Variants in ARHGEF28 observed in about 807,000 individuals in gnomAD.
The protein encoded by ARHGEF28 is 190 kDa guanine nucleotide exchange factor.
Under a neutral mutation model 206.6 loss-of-function variants are expected in ARHGEF28, and 152 were observed. The ratio of observed to expected loss-of-function variants is 0.74; its 90% CI spans 0.64 to 0.84. The LOEUF is 0.84. Among genes scored for constraint, ARHGEF28 ranks in the 40% least tolerant of loss-of-function variants. The pLI is 0.00. For synonymous variants in ARHGEF28, 763 were observed against 776.4 expected, an observed-to-expected ratio of 0.98 and a Z score of 0.29; for missense variants, 2,028 against 2,073.2, an observed-to-expected ratio of 0.98 and a Z score of 0.42.
intron 1 of ARHGEF28, among the ~76,000 whole-genome samples, chr5:73,678,804 A>G (rs1746872337): frequency 6.6e-6 from 1 of 152,230 alleles, no homozygotes; most frequent in African/African-American, 2.4e-5. Context: ...AGTTAAAAAA[A>G]AAAGGGGGGG....
intron 2 of ARHGEF28, among the ~76,000 whole-genome samples, chr5:73,709,133 A>G (rs1234074617): frequency 6.6e-6 from 1 of 152,150 alleles, no homozygotes; most frequent in Non-Finnish European, 1.5e-5. Context: ...CGTTTGTAAT[A>G]CAGTTAGATT....
rs112974336 is a variant in ARHGEF28, at chr5:73,868,994, G to T, written c.2425+767G>T. Among the ~76,000 whole-genome samples, 989 of 152,142 alleles carry T rather than the reference G, an allele frequency of 6.5e-3. 12 individuals carry two copies. Among genetic ancestry groups the T allele is most frequent in the African/African-American group, 0.023 (944 of 41,512 alleles). On this transcript the variant is annotated intron_variant, in intron 20 of 35. Coordinates refer to ENST00000513042, the MANE Select transcript of ARHGEF28 (RefSeq NM_001177693.2). ...ATTTTATAGAGCAGGACTTAATCTA[G>T]GGAATTAGTTTTTGTATACAAGCAG... is the stretch of plus-strand genomic sequence containing the variant.
intron 35 of ARHGEF28, among the ~76,000 whole-genome samples, chr5:73,914,049 G>A (rs1159061516): frequency 6.6e-6 from 1 of 152,146 alleles, no homozygotes; most frequent in Non-Finnish European, 1.5e-5. Context: ...ATACCACCTA[G>A]ATAGGAATTT....
chr5:73,712,821 T>C (rs944794602), intron 2 of ARHGEF28, among the ~76,000 whole-genome samples: 6 of 152,196 alleles, frequency 3.9e-5, no homozygotes, highest in Non-Finnish European at 7.3e-5. Context: ...GCCCTTCTTT[T>C]AATCTTGTTT....
chr5:73,772,751 C>T (rs756782235), intron 4 of ARHGEF28, among the ~76,000 whole-genome samples: 3 of 152,222 alleles, frequency 2.0e-5, no homozygotes, highest in Admixed American at 6.5e-5. Context: ...GATCAGGACT[C>T]GGGAAGGATC....
At chr5:73,761,990 C>A (rs1752625249) in intron 4 of ARHGEF28, among the ~76,000 whole-genome samples, 1 of 143,406 alleles carries the variant, frequency 7.0e-6, no homozygotes, top group South Asian at 2.2e-4. Context: ...GCCACCACAA[C>A]TGGGTAATTT....
At chr5:73,936,531 T>C (rs1347650648) in intron 35 of ARHGEF28, among the ~76,000 whole-genome samples, 2 of 152,316 alleles carry the variant, frequency 1.3e-5, no homozygotes, top group East Asian at 3.9e-4. Flanking sequence ...GGTGAATCAC[T>C]GAGCCCAAAT....
At chr5:73,855,456 G>A (rs1758961499) in intron 14 of ARHGEF28, among the ~76,000 whole-genome samples, 1 of 152,194 alleles carries the variant, frequency 6.6e-6, no homozygotes, top group Non-Finnish European at 1.5e-5. Context: ...TATCGGCTGG[G>A]CGTGGTGGCT....
rs1009641244 is a variant in ARHGEF28 at position 73,849,030 on chromosome 5, A to T, written c.1690A>T (p.Ile564Phe). ...SRSYSCSSPK[I>F]SLGKTRLVRE... ...TTCTTATTCTTGCTCATCACCCAAA[A>T]TTTCTTTAGGAAAAACTCGTTTGGT... The change falls in exon 13 of 36, where the codon ATT becomes TTT. Residue 564 changes from isoleucine to phenylalanine, a missense_variant. Coordinates refer to ENST00000513042, the MANE Select transcript of ARHGEF28 (RefSeq NM_001177693.2). The T allele has an allele frequency of 7.0e-6, 11 of 1,580,554 alleles. No homozygotes were observed. Among genetic ancestry groups the T allele is most frequent in the African/African-American group, 1.3e-5 (1 of 74,406 alleles).
intron 9 of ARHGEF28, among the ~76,000 whole-genome samples, chr5:73,810,334 G>C (rs1021308163): frequency 6.6e-6 from 1 of 152,196 alleles, no homozygotes; most frequent in Admixed American, 6.5e-5. Flanking sequence ...TACTGTTTCA[G>C]AATAATTTTG....
chr5:73,843,016 G>A (rs1368433270), intron 11 of ARHGEF28, among the ~76,000 whole-genome samples: 2 of 151,318 alleles, frequency 1.3e-5, no homozygotes, highest in Admixed American at 1.3e-4. Context: ...AGTCTGTCAG[G>A]TGTGTGAGCC....
chr5:73,892,334 G>T, intron 27 of ARHGEF28, 104 bp downstream of exon 27: 1 of 1,341,514 alleles, frequency 7.5e-7, no homozygotes, highest in Non-Finnish European at 1.0e-6. Context: ...TGCCAGAATG[G>T]TCTGCCCCCT....
At chr5:73,840,219 A>G (rs934639516) in intron 10 of ARHGEF28, among the ~76,000 whole-genome samples, 4 of 152,126 alleles carry the variant, frequency 2.6e-5, no homozygotes, top group African/African-American at 9.7e-5. Context: ...CATTCAGGCC[A>G]TTCTCCTGCT....
At chr5:73,662,777 A>G (rs965732169) in intron 1 of ARHGEF28, among the ~76,000 whole-genome samples, 1 of 152,126 alleles carries the variant, frequency 6.6e-6, no homozygotes, top group Non-Finnish European at 1.5e-5. Context: ...AGGGGATTAC[A>G]CTAAGGATTT....
At chr5:73,909,296 T>C in intron 33 of ARHGEF28, 116 bp from the exon 34 acceptor site, 2 of 1,426,336 alleles carry the variant, frequency 1.4e-6, no homozygotes, top group Non-Finnish European at 1.9e-6. Context: ...GCCAGAAATA[T>C]TAAGAGAAGT....
intron 28 of ARHGEF28, 28 bp from the exon 29 acceptor site, chr5:73,894,350 TTCATGTTAGTGATAA>T: frequency 6.6e-7 from 1 of 1,523,698 alleles, no homozygotes. Context: ...AGTGGTTGTA[TTCATGTTAGTGATAA>T]TCTTCTATGG....
At chr5:73,899,424 C>T (rs1256430281) in intron 30 of ARHGEF28, 3 of 152,136 alleles carry the variant, frequency 2.0e-5, no homozygotes, top group African/African-American at 7.2e-5. Context: ...TCTCTCATGA[C>T]TGGGGAGAGT....
At position 73,776,373 on chromosome 5, in the gene ARHGEF28, TA is replaced by T. The variant is rs1753542480; in HGVS notation, c.660-142del. On this transcript the variant is annotated intron_variant, in intron 5 of 35. Transcript: ENST00000513042. Reference sequence around the variant, plus strand: ...TTATTAGTATCTGTTTTTATGATCTTATGTATTTATTGCACGTAGGTGACTT... The same window carrying T: ...TTATTAGTATCTGTTTTTATGATCTTTGTATTTATTGCACGTAGGTGACTT... The T allele has an allele frequency of 2.0e-5, 13 of 635,024 alleles. No individual in the cohort carries two copies. In the South Asian group the frequency reaches 3.6e-4, roughly 17 times the overall value. 39.3% of individuals were successfully genotyped at this position (635,024 alleles called of 1,614,324 possible).
chr5:73,706,632 A>G (rs977869771), intron 2 of ARHGEF28, among the ~76,000 whole-genome samples: 10 of 152,230 alleles, frequency 6.6e-5, no homozygotes, highest in African/African-American at 1.9e-4. Context: ...TGAAGCTTAC[A>G]TAAAAGAAAA....
Sources: allele counts gnomAD v4.1 joint callset (sites outside exome capture counted in the v4.1 genomes callset), GRCh38; gene constraint gnomAD v4.1.1; transcripts MANE v1.5; gene names NCBI Gene and HGNC (gene_info 2026-07-23, HGNC 2026-07-21).